CXCL12: variants seen among roughly 807,000 people sequenced by gnomAD.
The protein encoded by CXCL12 is C-X-C motif chemokine ligand 12.
A neutral mutation model predicts 10.7 loss-of-function variants in CXCL12; 4 were observed. The observed-to-expected ratio is 0.37, with a 90% confidence interval of 0.18 to 0.86. The LOEUF is 0.86. Among genes scored for constraint, CXCL12 ranks in the 40% least tolerant of loss-of-function variants. CXCL12 has a pLI of 0.43. For missense variants in CXCL12, 122 were observed against 110.4 expected (o/e 1.10, Z -0.47); for synonymous variants, 54 against 45.4 (o/e 1.19, Z -0.77).
chr10:44,380,938 T>C, intron 1 of CXCL12, 58 bp from the exon 2 acceptor site: 7 of 1,376,136 alleles, frequency 5.1e-6, no homozygotes, highest in Non-Finnish European at 6.2e-6. Context: ...TGGTAATGTG[T>C]GTCTGGGCTG....
chr10:44,372,593 GCA>G, downstream of CXCL12: 1 of 1,227,186 alleles, frequency 8.1e-7, no homozygotes, highest in Non-Finnish European at 1.0e-6. Flanking sequence ...CCTGCTTGGT[GCA>G]CAGTTTACAT....
downstream of CXCL12, chr10:44,372,993 C>T: frequency 6.5e-7 from 1 of 1,535,992 alleles, no homozygotes; most frequent in Non-Finnish European, 8.7e-7. Flanking sequence ...GCCCAGTCTC[C>T]CCACCTGCAC....
At chr10:44,374,951 G>A (rs1167134011), downstream of CXCL12, among the ~76,000 whole-genome samples, 1 of 152,192 alleles carries the variant, frequency 6.6e-6, no homozygotes, top group Non-Finnish European at 1.5e-5. Context: ...CATCTACATG[G>A]GCAGGGAAGG....
At chr10:44,375,307 C>T (rs1430829862), downstream of CXCL12, among the ~76,000 whole-genome samples, 1 of 152,238 alleles carries the variant, frequency 6.6e-6, no homozygotes, top group Admixed American at 6.5e-5. Context: ...GATAAAGCCA[C>T]TCCCACAACC....
chr10:44,372,604 A>C (rs544583442), downstream of CXCL12: 419 of 1,285,370 alleles, frequency 3.3e-4, no homozygotes, highest in Non-Finnish European at 3.6e-4. Flanking sequence ...CACAGTTTAC[A>C]TGAAAGCTTT....
chr10:44,377,960 G>C lies in CXCL12; in HGVS notation c.*673C>G. 1 of 1,524,142 alleles carries C rather than the reference G, an allele frequency of 6.6e-7. No individual in the cohort carries two copies. The highest frequency in any genetic ancestry group is 8.7e-7 in the Non-Finnish European group (1 of 1,144,776). 94.4% of individuals were successfully genotyped at this position (1,524,142 alleles called of 1,614,324 possible). A position where few individuals can be genotyped will look rare whatever the true frequency, so the allele number is the denominator to read the frequency against. ...AAGCATGCTCTCGGAGTCGGGGAGA[G>C]AGTAGGAATAGCTGGGAGAGGGGTC... is the stretch of plus-strand genomic sequence containing the variant. On this transcript the variant is annotated 3_prime_UTR_variant, in exon 3 of 3. Transcript: ENST00000343575.
chr10:44,378,839 C>T (rs1394125638), intron 2 of CXCL12, 116 bp from the exon 3 acceptor site: 4 of 1,027,512 alleles, frequency 3.9e-6, no homozygotes, highest in South Asian at 1.3e-5. Flanking sequence ...CCGTGCTCCA[C>T]TTGGTACGCT....
In CXCL12 at chr10:44,378,551, C is replaced by G. The variant is rs546037443; in HGVS notation, c.*82G>C. On this transcript the variant is annotated 3_prime_UTR_variant, in exon 3 of 3. Transcript: ENST00000343575. The stretch of plus-strand genomic sequence containing the variant: ...TCCTCATGGTTAAGGCCCCCTCCCC[C>G]ACGTCTTTGCCCTTTCATCTCTCAC... 4.4e-6 allele frequency: 7 copies of G among 1,604,430 alleles called. No individual in the cohort carries two copies. The highest frequency in any genetic ancestry group is 2.2e-5 in the East Asian group (1 of 44,640).
intron 2 of CXCL12, 50 bp from the exon 3 acceptor site, chr10:44,378,773 G>A (rs1379360405): frequency 1.3e-5 from 21 of 1,584,090 alleles, no homozygotes; most frequent in African/African-American, 2.7e-5. Flanking sequence ...AGGAAGGCGC[G>A]GCTGCAACGT....
chr10:44,376,975 C>T (rs371085594), downstream of CXCL12: 9 of 387,748 alleles, frequency 2.3e-5, no homozygotes, highest in East Asian at 6.4e-4. Context: ...GTGAGAAAAG[C>T]CCATACACTG....
At position 44,385,066 on chromosome 10, in the gene CXCL12, G is replaced by C. The variant is rs894213116; in HGVS notation, c.-61C>G. 4.0e-5 allele frequency: 51 copies of C among 1,271,486 alleles called. No homozygotes were observed. The highest frequency in any genetic ancestry group is 8.5e-5 in the Admixed American group (3 of 35,312). The allele number at this position is 1,271,486 out of a possible 1,614,324, so 78.8% of individuals were successfully genotyped here. On this transcript the variant is annotated 5_prime_UTR_variant, in exon 1 of 3. Transcript: ENST00000343575. ...GGGTCGGGGGCCGGACGCCGAGCGG[G>C]CAATGCGGCTGACGGAGAGTGAAAG...
downstream of CXCL12, chr10:44,375,796 G>A: frequency 6.8e-7 from 1 of 1,463,026 alleles, no homozygotes; most frequent in South Asian, 1.4e-5. Flanking sequence ...CGGTGTGGCT[G>A]GCAGGGCAGC....
exon 4 of CXCL12, chr10:44,370,618 A>T (rs959532031): frequency 1.3e-5 from 2 of 152,276 alleles, no homozygotes; most frequent in Admixed American, 6.5e-5. Context: ...ATCAACTCCC[A>T]GTCAGGGAGC....
downstream of CXCL12, chr10:44,375,781 G>T (rs879324333): frequency 1.1e-5 from 15 of 1,405,612 alleles, no homozygotes; most frequent in Admixed American, 4.1e-4. Flanking sequence ...CATAAATACA[G>T]AAGCCGGTGT....
chr10:44,375,153 C>T (rs902260927), downstream of CXCL12, among the ~76,000 whole-genome samples: 4 of 152,200 alleles, frequency 2.6e-5, no homozygotes, highest in East Asian at 5.8e-4. Context: ...ATCTGTCCTC[C>T]ACGTGGGGGA....
intron 1 of CXCL12, among the ~76,000 whole-genome samples, chr10:44,383,636 A>G (rs1470791480): frequency 7.4e-6 from 1 of 135,262 alleles, no homozygotes. Flanking sequence ...CAGTGTGCAG[A>G]CACAGCCTCA....
Position 44,378,600 on chromosome 10 carries a change from G to A in CXCL12, c.*33C>T, listed in dbSNP as rs760074446. 16 of 1,613,702 alleles carry A rather than the reference G, an allele frequency of 9.9e-6. No individual in the cohort carries two copies. The highest frequency in any genetic ancestry group is 6.6e-5 in the South Asian group (6 of 91,032). On this transcript the variant is annotated 3_prime_UTR_variant, in exon 3 of 3. Coordinates refer to ENST00000343575, the MANE Select transcript of CXCL12 (RefSeq NM_199168.4). ...ACAAGGTTTTAGTTTTCCTCGAGTGGGTCTAGCGGAAAGTCCTTTTTGGCT... is the reference window on the plus strand; with the variant it reads ...ACAAGGTTTTAGTTTTCCTCGAGTGAGTCTAGCGGAAAGTCCTTTTTGGCT...
In CXCL12 at chr10:44,377,882, C is replaced by T. The variant is rs928425815; in HGVS notation, c.*751G>A. On this transcript the variant is annotated 3_prime_UTR_variant, in exon 3 of 3. Coordinates refer to ENST00000343575, the MANE Select transcript of CXCL12 (RefSeq NM_199168.4). ...ACGAGCCCCAGCAATCACCCTCTTC[C>T]CGGCTGGTGCGGCGCTGATCAGGCT... The T allele has an allele frequency of 1.1e-5, 17 of 1,576,880 alleles. No homozygotes were observed. The highest frequency in any genetic ancestry group is 7.1e-5 in the Admixed American group (4 of 56,520).
chr10:44,377,552 G>GGTA lies in CXCL12; in HGVS notation c.*1078_*1080dup. The GGTA allele has an allele frequency of 1.4e-6, 2 of 1,450,130 alleles. No homozygotes were observed. Among genetic ancestry groups the GGTA allele is most frequent in the Non-Finnish European group, 1.8e-6 (2 of 1,105,954 alleles). The allele number at this position is 1,450,130 out of a possible 1,614,324, so 89.8% of individuals were successfully genotyped here. A position where few individuals can be genotyped will look rare whatever the true frequency, so the allele number is the denominator to read the frequency against. ...AAACCCTGCTGTGGCTTCAGGAGGG[G>GGTA]GTAGTGGCAAGATGATGGTTTATTC... On this transcript the variant is annotated 3_prime_UTR_variant, in exon 3 of 3. Coordinates refer to ENST00000343575, the MANE Select transcript of CXCL12 (RefSeq NM_199168.4).
Sources: gnomAD v4.1 joint callset for allele counts (sites outside exome capture counted in the v4.1 genomes callset) on GRCh38, gnomAD v4.1.1 for gene constraint, MANE v1.5 for transcripts, NCBI Gene and HGNC (gene_info 2026-07-23, HGNC 2026-07-21) for gene names.